THSD4: variants seen among roughly 807,000 people sequenced by gnomAD.
THSD4 encodes the protein thrombospondin type-1 domain-containing protein 4.
THSD4 carries 69 observed loss-of-function variants against 119.0 expected under a neutral mutation model. The ratio of observed to expected loss-of-function variants is 0.58; its 90% CI spans 0.48 to 0.71. The LOEUF is 0.71. THSD4 is among the 30% of genes least tolerant of loss of function. The pLI is 0.00. For missense variants in THSD4, 1,393 were observed against 1,391.1 expected (o/e 1.00, Z -0.02); for synonymous variants, 524 against 540.4 (o/e 0.97, Z 0.42).
intron 3 of THSD4, among the ~76,000 whole-genome samples, chr15:71,214,421 G>T (rs950444041): frequency 1.3e-5 from 2 of 152,198 alleles, no homozygotes; most frequent in Non-Finnish European, 2.9e-5. Flanking sequence ...GAAGGTCTGC[G>T]GCTTCATTCT....
intron 7 of THSD4, among the ~76,000 whole-genome samples, chr15:71,642,865 G>T (rs556142924): frequency 1.3e-5 from 2 of 152,066 alleles, no homozygotes; most frequent in Non-Finnish European, 2.9e-5. Flanking sequence ...ACGAGTTAAT[G>T]GGTGCAGCAC....
At chr15:71,215,428 C>A (rs1481075488) in intron 4 of THSD4, 29 bp downstream of exon 4, 1 of 1,488,660 alleles carries the variant, frequency 6.7e-7, no homozygotes, top group Admixed American at 2.1e-5. Context: ...CTGTGCCGCT[C>A]CCCGTCCCTG....
intron 7 of THSD4, among the ~76,000 whole-genome samples, chr15:71,450,622 G>A (rs1354676763): frequency 3.9e-5 from 6 of 152,180 alleles, no homozygotes; most frequent in Non-Finnish European, 7.3e-5. Flanking sequence ...AGTCTGTGGA[G>A]GTGTAACTTT....
intron 5 of THSD4, among the ~76,000 whole-genome samples, chr15:71,246,056 T>C (rs1037802186): frequency 1.1e-4 from 17 of 152,194 alleles, no homozygotes; most frequent in Non-Finnish European, 1.6e-4. Context: ...TAAGTATTCC[T>C]ACTGAAAGAG....
upstream of THSD4, chr15:71,112,030 T>C (rs1596203031): frequency 6.9e-7 from 1 of 1,455,440 alleles, no homozygotes; most frequent in Non-Finnish European, 9.3e-7. Flanking sequence ...CTGTCCTGCA[T>C]TGCCTTCCTG....
chr15:71,181,483 C>T (rs928954129), intron 3 of THSD4, among the ~76,000 whole-genome samples: 4 of 152,208 alleles, frequency 2.6e-5, no homozygotes, highest in African/African-American at 9.6e-5. Flanking sequence ...TGGTACGGTC[C>T]TGGCATCTTA....
intron 6 of THSD4, among the ~76,000 whole-genome samples, chr15:71,379,447 C>CTTTTTT (rs1356266423): frequency 2.7e-5 from 3 of 112,850 alleles, no homozygotes; most frequent in African/African-American, 6.4e-5. Context: ...AAGCAAATGG[C>CTTTTTT]TTCTTTTTTT....
intron 1 of THSD4, among the ~76,000 whole-genome samples, chr15:71,140,610 A>G (rs550548393): frequency 2.3e-4 from 35 of 152,318 alleles, no homozygotes; most frequent in African/African-American, 7.9e-4. Flanking sequence ...ACGCTGCCCC[A>G]GCCACAGTCT....
chr15:71,635,298 G>A (rs2050717790), intron 7 of THSD4, among the ~76,000 whole-genome samples: 1 of 151,742 alleles, frequency 6.6e-6, no homozygotes, highest in African/African-American at 2.4e-5. Context: ...AGACAAAAAG[G>A]GACAAAAAGA....
Position 71,345,520 on chromosome 15 carries a change from A to C in THSD4, c.1016-66167A>C, listed in dbSNP as rs1278549409. On this transcript the variant is annotated intron_variant, in intron 6 of 17. Coordinates refer to ENST00000261862, the MANE Select transcript of THSD4 (RefSeq NM_024817.3). Reference sequence around the variant, plus strand: ...AAATCACACATAACGAGAAATCTGGAGGTAGCCAGTCTGAGGGCTTGCTAA... The same window carrying C: ...AAATCACACATAACGAGAAATCTGGCGGTAGCCAGTCTGAGGGCTTGCTAA... 3.9e-5 allele frequency among the ~76,000 whole-genome samples: 6 copies of C among 152,188 alleles called. No individual in the cohort carries two copies. In the East Asian group the frequency reaches 9.6e-4, roughly 24 times the overall value.
chr15:71,380,371 AGTCACAAT>A (rs2046212568), intron 6 of THSD4, among the ~76,000 whole-genome samples: 2 of 152,224 alleles, frequency 1.3e-5, no homozygotes, highest in African/African-American at 4.8e-5. Flanking sequence ...GGAATTCACA[AGTCACAAT>A]GTCATGTCAT....
chr15:71,381,034 G>T (rs1442870097), intron 6 of THSD4, among the ~76,000 whole-genome samples: 1 of 152,134 alleles, frequency 6.6e-6, no homozygotes, highest in Non-Finnish European at 1.5e-5. Flanking sequence ...GTCTTCCTAG[G>T]ATTATGGGCT....
chr15:71,561,841 A>C (rs1350066197), intron 7 of THSD4, among the ~76,000 whole-genome samples: 1 of 150,960 alleles, frequency 6.6e-6, no homozygotes, highest in African/African-American at 2.4e-5. Context: ...CAAAGGGTGG[A>C]CCCAGGACTC....
chr15:71,307,529 T>G (rs2045047344), intron 6 of THSD4, among the ~76,000 whole-genome samples: 1 of 152,172 alleles, frequency 6.6e-6, no homozygotes. Context: ...TCCAGCACTT[T>G]GGGAGGCTGA....
At chr15:71,689,661 G>A (rs184693873) in intron 8 of THSD4, among the ~76,000 whole-genome samples, 1 of 152,114 alleles carries the variant, frequency 6.6e-6, no homozygotes, top group South Asian at 2.1e-4. Context: ...TGTCACTTGG[G>A]GCAAGACTGC....
chr15:71,211,718 G>C (rs1048644995), intron 3 of THSD4, among the ~76,000 whole-genome samples: 9 of 152,116 alleles, frequency 5.9e-5, no homozygotes, highest in African/African-American at 1.9e-4. Context: ...GTTTCTTATT[G>C]ATTTGTTAGA....
rs544398752 is a variant in THSD4, at chr15:71,151,978, G to A, written c.30-2885G>A. Among the ~76,000 whole-genome samples the A allele has an allele frequency of 1.3e-4, 20 of 152,218 alleles. No homozygotes were observed. In the East Asian group the frequency reaches 2.9e-3, roughly 22 times the overall value. Reference sequence around the variant, plus strand: ...GACAGTACCGACAGAGAATGTTTCCGTCATCATAGAAAACTCTATTGGACA... The same window carrying A: ...GACAGTACCGACAGAGAATGTTTCCATCATCATAGAAAACTCTATTGGACA... On this transcript the variant is annotated intron_variant, in intron 2 of 17. Transcript: ENST00000261862.
intron 8 of THSD4, among the ~76,000 whole-genome samples, chr15:71,725,906 T>G (rs1445014566): frequency 2.0e-5 from 3 of 151,988 alleles, no homozygotes; most frequent in African/African-American, 7.2e-5. Flanking sequence ...CTCAGCCTCC[T>G]GAGTAGCTGG....
At chr15:71,376,110 C>T (rs1380622125) in intron 6 of THSD4, among the ~76,000 whole-genome samples, 2 of 152,110 alleles carry the variant, frequency 1.3e-5, no homozygotes, top group Admixed American at 6.5e-5. Context: ...ATGACTGTGC[C>T]CAAGGTGAAA....
Sources: allele counts gnomAD v4.1 joint callset (sites outside exome capture counted in the v4.1 genomes callset), GRCh38; gene constraint gnomAD v4.1.1; transcripts MANE v1.5; gene names NCBI Gene and HGNC (gene_info 2026-07-23, HGNC 2026-07-21).